The following FHOD3 variants were observed in gnomAD, a reference collection of about 807,000 sequenced individuals.
The protein encoded by FHOD3 is FH1/FH2 domain-containing protein 3.
In FHOD3, 90 loss-of-function variants were observed where a neutral mutation model predicts 173.0. That is an observed-to-expected ratio of 0.52 (90% CI 0.44 to 0.62). The LOEUF (loss-of-function observed/expected upper bound fraction) is 0.62, where lower values mean the gene tolerates loss of function less well. FHOD3 is among the 20% of genes least tolerant of loss of function. The pLI is 0.00. For synonymous variants in FHOD3, 828 were observed against 823.0 expected (o/e 1.01, Z -0.10); for missense variants, 1,945 against 2,034.7 (o/e 0.96, Z 0.85).
intron 19 of FHOD3, among the ~76,000 whole-genome samples, chr18:36,728,749 C>T (rs1029350135): frequency 6.6e-6 from 1 of 152,228 alleles, no homozygotes; most frequent in Non-Finnish European, 1.5e-5. Context: ...CCTGGGGCTA[C>T]AGCAGAACAG....
intron 14 of FHOD3, among the ~76,000 whole-genome samples, chr18:36,662,835 T>C (rs979886370): frequency 1.3e-5 from 2 of 152,226 alleles, no homozygotes; most frequent in African/African-American, 4.8e-5. Context: ...AGCTTTATAC[T>C]CATCAGATAA....
chr18:36,316,200 A>G (rs1301294322), intron 1 of FHOD3, among the ~76,000 whole-genome samples: 3 of 152,060 alleles, frequency 2.0e-5, no homozygotes, highest in Admixed American at 1.3e-4. Flanking sequence ...TAACATATGT[A>G]GTTCTGCAAA....
In FHOD3 at chr18:36,650,207, C is replaced by CT. The variant is rs111716620; in HGVS notation, c.1286+814dup. 5.9e-3 allele frequency among the ~76,000 whole-genome samples: 868 copies of CT among 146,072 alleles called. 7 individuals are homozygous for CT. Among genetic ancestry groups the CT allele is most frequent in the East Asian group, 0.058 (293 of 5,046 alleles). ...TTGCCACTGCAAATGGACATTTTTA[C>CT]TTTTTTTTTTTTCCTACAAATAAGC... On this transcript the variant is annotated intron_variant, in intron 11 of 28. Transcript: ENST00000590592.
intron 4 of FHOD3, among the ~76,000 whole-genome samples, chr18:36,510,200 A>G (rs945669706): frequency 1.3e-5 from 2 of 152,242 alleles, no homozygotes; most frequent in African/African-American, 4.8e-5. Flanking sequence ...ACAGCTTAAT[A>G]TATGGCTATT....
chr18:36,382,788 A>C (rs995791911), intron 3 of FHOD3, among the ~76,000 whole-genome samples: 2 of 82,022 alleles, frequency 2.4e-5, no homozygotes, highest in African/African-American at 1.6e-4. Context: ...TAGGAATGTA[A>C]GACTGTCTCT....
At chr18:36,371,774 T>G (rs1598874350) in intron 2 of FHOD3, among the ~76,000 whole-genome samples, 1 of 152,218 alleles carries the variant, frequency 6.6e-6, no homozygotes, top group South Asian at 2.1e-4. Flanking sequence ...AGGAAAGCAC[T>G]GCCAGATTCT....
chr18:36,755,397 CTTTTTTTTT>C lies in FHOD3; in HGVS notation c.4425+106_4425+114del, dbSNP rs200164880. 67,539 of 212,328 alleles carry C rather than the reference CTTTTTTTTT, an allele frequency of 0.32. 6,170 individuals carry two copies. Among genetic ancestry groups the C allele is most frequent in the East Asian group, 0.37 (2,923 of 7,860 alleles). The allele number at this position is 212,328 out of a possible 1,614,324, so 13.2% of individuals were successfully genotyped here. A position where few individuals can be genotyped will look rare whatever the true frequency, so the allele number is the denominator to read the frequency against. On this transcript the variant is annotated intron_variant, in intron 25 of 28. Transcript: ENST00000590592. ...ATCCTCCCCACAGTTAAAAGCTGTG[CTTTTTTTTT>C]TTTTTTTTTTTTTTTTTTTGACTAT...
intron 15 of FHOD3, among the ~76,000 whole-genome samples, chr18:36,683,629 C>T (rs536995731): frequency 3.2e-4 from 49 of 152,258 alleles, no homozygotes; most frequent in African/African-American, 1.2e-3. Context: ...CAAAAGAACC[C>T]CAGAAGAAGT....
chr18:36,330,687 T>C (rs1428063702), intron 1 of FHOD3, among the ~76,000 whole-genome samples: 1 of 152,206 alleles, frequency 6.6e-6, no homozygotes, highest in Non-Finnish European at 1.5e-5. Flanking sequence ...TGACTTGGCT[T>C]CATGCAGGGA....
intron 9 of FHOD3, among the ~76,000 whole-genome samples, chr18:36,612,651 A>C (rs2032806921): frequency 6.6e-6 from 1 of 152,226 alleles, no homozygotes; most frequent in African/African-American, 2.4e-5. Flanking sequence ...AGGAAAGAAA[A>C]ATTAAAAATT....
intron 3 of FHOD3, among the ~76,000 whole-genome samples, chr18:36,444,278 T>C (rs1422054876): frequency 6.6e-6 from 1 of 152,094 alleles, no homozygotes; most frequent in Admixed American, 6.5e-5. Flanking sequence ...CAGAGTTACT[T>C]AAGTTCTCTT....
At chr18:36,494,823 G>T (rs1284090122) in intron 3 of FHOD3, among the ~76,000 whole-genome samples, 1 of 152,150 alleles carries the variant, frequency 6.6e-6, no homozygotes, top group Non-Finnish European at 1.5e-5. Flanking sequence ...CCCCATTTCT[G>T]CTTTGAGTTT....
At chr18:36,300,889 C>G (rs375932005) in intron 1 of FHOD3, among the ~76,000 whole-genome samples, 3 of 152,066 alleles carry the variant, frequency 2.0e-5, no homozygotes, top group African/African-American at 4.8e-5. Flanking sequence ...TATAGGCATG[C>G]ACCACCACAC....
At chr18:36,738,276 C>T (rs111940839) in intron 20 of FHOD3, among the ~76,000 whole-genome samples, 5 of 152,322 alleles carry the variant, frequency 3.3e-5, no homozygotes, top group African/African-American at 1.2e-4. Context: ...ATGAATAAAG[C>T]TACTACAAAT....
At chr18:36,425,293 A>G (rs1284531926) in intron 3 of FHOD3, among the ~76,000 whole-genome samples, 1 of 152,230 alleles carries the variant, frequency 6.6e-6, no homozygotes, top group African/African-American at 2.4e-5. Flanking sequence ...CATAGTATCC[A>G]AGGATTCAGG....
intron 18 of FHOD3, 70 bp from the exon 19 acceptor site, chr18:36,717,762 C>T: frequency 6.6e-7 from 1 of 1,508,644 alleles, no homozygotes; most frequent in African/African-American, 1.4e-5. Flanking sequence ...CTCACTTATT[C>T]TCATCGATTC....
intron 28 of FHOD3, among the ~76,000 whole-genome samples, chr18:36,770,518 C>G (rs1028687460): frequency 6.6e-6 from 1 of 152,276 alleles, no homozygotes; most frequent in East Asian, 1.9e-4. Context: ...GATCTGCTTT[C>G]GTTTCTGATG....
chr18:36,740,873 A>C, intron 21 of FHOD3, 35 bp downstream of exon 21: 1 of 1,585,030 alleles, frequency 6.3e-7, no homozygotes, highest in Non-Finnish European at 8.6e-7. Context: ...CTGATCCCAC[A>C]TCCACAGTGT....
intron 18 of FHOD3, among the ~76,000 whole-genome samples, chr18:36,715,691 A>C (rs922766948): frequency 6.8e-5 from 10 of 146,214 alleles, no homozygotes; most frequent in African/African-American, 2.7e-4. Context: ...AGAGGCAGAC[A>C]ATAAAATAAG....
Sources: allele counts gnomAD v4.1 joint callset (sites outside exome capture counted in the v4.1 genomes callset), GRCh38; gene constraint gnomAD v4.1.1; transcripts MANE v1.5; gene names NCBI Gene and HGNC (gene_info 2026-07-23, HGNC 2026-07-21).